ANKRD10: variants seen among roughly 807,000 people sequenced by gnomAD.
ANKRD10 encodes the protein ankyrin repeat domain 10, also known as ankyrin repeat domain-containing protein 10.
ANKRD10 carries 14 observed loss-of-function variants against 27.0 expected under a neutral mutation model. The ratio of observed to expected loss-of-function variants is 0.52; its 90% CI spans 0.34 to 0.81. The LOEUF (loss-of-function observed/expected upper bound fraction) is 0.81, where lower values mean the gene tolerates loss of function less well. Ranked by LOEUF, ANKRD10 falls within the 40% of genes least tolerant of loss-of-function variation. The pLI, the probability that ANKRD10 is intolerant of heterozygous loss-of-function variation, is 0.01. For missense variants in ANKRD10, 493 were observed against 544.0 expected (o/e 0.91, Z 0.93); for synonymous variants, 250 against 224.5 (o/e 1.11, Z -1.01).
chr13:110,896,733 G>A (rs2065235808), intron 3 of ANKRD10, among the ~76,000 whole-genome samples: 1 of 152,138 alleles, frequency 6.6e-6, no homozygotes, highest in Admixed American at 6.5e-5. Flanking sequence ...AATTGAGCAT[G>A]GCTCTCATAA....
At position 110,914,821 on chromosome 13, in the gene ANKRD10, G is replaced by A. The variant is rs1292108043; in HGVS notation, c.114C>T (p.Leu38=). ...GGGGTGTCTGCTGCAGCAGCGAGCA[G>A]AGCGTGGCCAGGTCCCCGTCGCGGC... ...RACRDGDLAT[L]CSLLQQTPHA... Residue 38 remains leucine (L), a synonymous_variant, in exon 1 of 6, where the codon CTC becomes CTT. Transcript: ENST00000267339. The A allele has an allele frequency of 6.3e-7, 1 of 1,588,930 alleles. No homozygotes were observed. The highest frequency in any genetic ancestry group is 8.6e-7 in the Non-Finnish European group (1 of 1,168,588).
At chr13:110,883,914 AT>A (rs898998449) in intron 4 of ANKRD10, 121 bp from the exon 5 acceptor site, 1 of 1,096,644 alleles carries the variant, frequency 9.1e-7, no homozygotes, top group Admixed American at 3.0e-5. Flanking sequence ...ATAAAAAAAA[AT>A]CGACAGGTCA....
chr13:110,897,567 T>C (rs1442847976), intron 3 of ANKRD10, among the ~76,000 whole-genome samples: 1 of 152,186 alleles, frequency 6.6e-6, no homozygotes, highest in Non-Finnish European at 1.5e-5. Flanking sequence ...CCAAATAGTA[T>C]TCCACGGGGT....
chr13:110,900,232 G>T (rs2065346428), intron 3 of ANKRD10, among the ~76,000 whole-genome samples: 2 of 152,126 alleles, frequency 1.3e-5, no homozygotes. Context: ...TGATGAGAAC[G>T]ACTTTGTTTC....
chr13:110,905,123 A>G (rs2065493093), intron 3 of ANKRD10: 1 of 66,542 alleles, frequency 1.5e-5, no homozygotes, highest in African/African-American at 4.2e-5. Context: ...TATTCATAAC[A>G]CTTAAGGTAA....
At chr13:110,889,711 TTC>T (rs1485659713) in intron 4 of ANKRD10, among the ~76,000 whole-genome samples, 2 of 152,158 alleles carry the variant, frequency 1.3e-5, no homozygotes, top group Non-Finnish European at 2.9e-5. Flanking sequence ...TTTTGGCTTT[TTC>T]TTTTTCTTTT....
rs777043399 is a variant in ANKRD10 at position 110,910,876 on chromosome 13, C to T, written c.211-106G>A. Reference sequence around the variant, plus strand: ...TAATGGTGACAAATGGCATTGTTACCAGTTTTTTAACAGATTAAGTCACTC... The same window carrying T: ...TAATGGTGACAAATGGCATTGTTACTAGTTTTTTAACAGATTAAGTCACTC... On this transcript the variant is annotated intron_variant, in intron 1 of 5. Coordinates refer to ENST00000267339, the MANE Select transcript of ANKRD10 (RefSeq NM_017664.4). 3.2e-6 allele frequency: 4 copies of T among 1,231,350 alleles called. No homozygotes were observed. In the South Asian group the frequency reaches 6.6e-5, roughly 20 times the overall value. 76.3% of individuals were successfully genotyped at this position (1,231,350 alleles called of 1,614,324 possible).
intron 4 of ANKRD10, among the ~76,000 whole-genome samples, chr13:110,889,230 C>G (rs2065012638): frequency 6.6e-6 from 1 of 152,150 alleles, no homozygotes; most frequent in Non-Finnish European, 1.5e-5. Flanking sequence ...AGTCCTGAAG[C>G]CCATGCATCA....
At chr13:110,900,426 T>C (rs2065351144) in intron 3 of ANKRD10, 6 of 819,634 alleles carry the variant, frequency 7.3e-6, no homozygotes, top group Admixed American at 5.3e-5. Context: ...AGTTTACAAA[T>C]AGAAAGGTAG....
rs554461274 is a variant in ANKRD10, at chr13:110,890,457, T to C, written c.691+2571A>G. ...ATGCTCACACAGACACAAAAAAATA[T>C]AAACACACTCTTGTGACGAGTGTGG... is the stretch of plus-strand genomic sequence containing the variant. On this transcript the variant is annotated intron_variant, in intron 4 of 5. Transcript: ENST00000267339. 9.6e-4 allele frequency among the ~76,000 whole-genome samples: 146 copies of C among 152,200 alleles called. 3 individuals are homozygous for C. The South Asian group carries it at 0.013, about 14-fold the overall frequency.
intron 3 of ANKRD10, chr13:110,904,141 T>C (rs573175766): frequency 6.6e-6 from 1 of 152,290 alleles, no homozygotes; most frequent in South Asian, 2.1e-4. Flanking sequence ...TTGTGCTCTA[T>C]CTCCAGGCCA....
intron 3 of ANKRD10, among the ~76,000 whole-genome samples, chr13:110,899,355 T>C (rs757026118): frequency 4.6e-5 from 7 of 152,254 alleles, no homozygotes; most frequent in East Asian, 1.9e-4. Flanking sequence ...CATCCCCAGT[T>C]TGATGCACCT....
At chr13:110,901,110 T>TA (rs550227461) in intron 3 of ANKRD10, among the ~76,000 whole-genome samples, 16 of 152,064 alleles carry the variant, frequency 1.1e-4, no homozygotes, top group African/African-American at 2.2e-4. Flanking sequence ...ATGGAATCAT[T>TA]AAAAAAAGAT....
chr13:110,892,436 A>AAAAAAAAAAAAAAAAAAAAAAT (rs1555321016), intron 4 of ANKRD10, among the ~76,000 whole-genome samples: 2 of 144,570 alleles, frequency 1.4e-5, no homozygotes, highest in Non-Finnish European at 3.1e-5. Flanking sequence ...AAAAAAAAAA[A>AAAAAAAAAAAAAAAAAAAAAAT]TGGTGGGAGA....
rs543432066 is a variant in ANKRD10 at position 110,889,280 on chromosome 13, A to G, written c.691+3748T>C. ...ATGATTGATAAAAACAACAACAAAA[A>G]AATTAAAGACTGATACTTCCTTGCA... On this transcript the variant is annotated intron_variant, in intron 4 of 5. Transcript: ENST00000267339. Among the ~76,000 whole-genome samples, 3 of 152,280 alleles carry G rather than the reference A, an allele frequency of 2.0e-5. No individual in the cohort carries two copies. The South Asian group carries it at 6.2e-4, about 32-fold the overall frequency.
intron 1 of ANKRD10, among the ~76,000 whole-genome samples, chr13:110,913,294 G>A (rs907411893): frequency 2.6e-5 from 4 of 152,198 alleles, no homozygotes; most frequent in Non-Finnish European, 5.9e-5. Context: ...CACTCTGGAG[G>A]GAGGAAATCC....
chr13:110,880,797 G>A (rs2064802158), intron 5 of ANKRD10, among the ~76,000 whole-genome samples: 1 of 152,120 alleles, frequency 6.6e-6, no homozygotes, highest in Non-Finnish European at 1.5e-5. Context: ...AGAATACAGA[G>A]AGACCGGCGA....
At chr13:110,890,564 A>C (rs1454273912) in intron 4 of ANKRD10, among the ~76,000 whole-genome samples, 1 of 152,216 alleles carries the variant, frequency 6.6e-6, no homozygotes, top group African/African-American at 2.4e-5. Context: ...TCAGTATACA[A>C]ATTAGGAAAA....
rs1038434996 is a variant in ANKRD10, at chr13:110,914,998, G to A, written c.-64C>T. 6.0e-5 allele frequency: 90 copies of A among 1,488,114 alleles called. No homozygotes were observed. The highest frequency in any genetic ancestry group is 7.7e-5 in the Non-Finnish European group (86 of 1,124,066). The allele number at this position is 1,488,114 out of a possible 1,614,324, so 92.2% of individuals were successfully genotyped here. On this transcript the variant is annotated 5_prime_UTR_variant, in exon 1 of 6. Coordinates refer to ENST00000267339, the MANE Select transcript of ANKRD10 (RefSeq NM_017664.4). The stretch of plus-strand genomic sequence containing the variant: ...GGACGCGTCGGGGAGGACTCGAGAA[G>A]CCGCCGCCGCAGCACAAAGGAACGA...
Sources: gnomAD v4.1 joint callset for allele counts (sites outside exome capture counted in the v4.1 genomes callset) on GRCh38, gnomAD v4.1.1 for gene constraint, MANE v1.5 for transcripts, NCBI Gene and HGNC (gene_info 2026-07-23, HGNC 2026-07-21) for gene names.